The following COL11A1 variants were observed in gnomAD, a reference collection of about 807,000 sequenced individuals.
COL11A1 encodes collagen alpha-1(XI) chain.
Under a neutral mutation model 265.2 loss-of-function variants are expected in COL11A1, and 74 were observed. The observed-to-expected ratio is 0.28, with a 90% CI of 0.23 to 0.34. The LOEUF (loss-of-function observed/expected upper bound fraction) is 0.34, where lower values mean the gene tolerates loss of function less well. COL11A1 is among the 10% of genes least tolerant of loss of function. The pLI is 1.00. For missense variants in COL11A1, 2,165 were observed against 2,263.6 expected (o/e 0.96, Z 0.88); for synonymous variants, 816 against 727.6 (o/e 1.12, Z -1.96).
At chr1:103,058,164 T>C (rs1283336835) in intron 4 of COL11A1, among the ~76,000 whole-genome samples, 1 of 152,184 alleles carries the variant, frequency 6.6e-6, no homozygotes, top group Non-Finnish European at 1.5e-5. Context: ...CTGTTTCACT[T>C]TGCACTTTAT....
intron 46 of COL11A1, among the ~76,000 whole-genome samples, chr1:102,924,092 G>GA (rs1656306244): frequency 6.6e-6 from 1 of 151,480 alleles, no homozygotes; most frequent in African/African-American, 2.4e-5. Context: ...GTGGTGGCAG[G>GA]CGACTGTAGT....
intron 53 of COL11A1, among the ~76,000 whole-genome samples, chr1:102,913,364 T>G (rs1654921450): frequency 6.6e-6 from 1 of 152,194 alleles, no homozygotes; most frequent in Non-Finnish European, 1.5e-5. Context: ...ACACAATGGA[T>G]AGATAACTGA....
chr1:102,929,632 G>A (rs77100896), intron 46 of COL11A1, among the ~76,000 whole-genome samples: 80,825 of 151,802 alleles, frequency 0.53, 25,752 homozygotes, highest in East Asian at 0.77. Flanking sequence ...TGTGAAGAAA[G>A]GCATTGGTAG....
intron 54 of COL11A1, among the ~76,000 whole-genome samples, chr1:102,910,084 T>C (rs1194689876): frequency 1.3e-5 from 2 of 151,980 alleles, no homozygotes; most frequent in Non-Finnish European, 2.9e-5. Flanking sequence ...TAGTTATAGG[T>C]TTATATATAA....
At position 102,970,256 on chromosome 1, in the gene COL11A1, T is replaced by A. The variant is rs1323456836; in HGVS notation, c.2825A>T (p.Asp942Val). 6.2e-7 allele frequency: 1 copy of A among 1,611,868 alleles called. No homozygotes were observed. The highest frequency in any genetic ancestry group is 8.5e-7 in the Non-Finnish European group (1 of 1,178,628). Residue 942 changes from aspartate (D) to valine (V), a missense_variant, in exon 37 of 67, where the codon GAT becomes GTT. Asp to Val is a radical substitution (Grantham distance 152, BLOSUM62 -3). Coordinates refer to ENST00000370096, the MANE Select transcript of COL11A1 (RefSeq NM_001854.4). ...TTGCCCAGGGTGTCCTGGCAGCCCATCCTTCCCAGGTGGTCCCTGAAATTA... is the reference window on the plus strand; with the variant it reads ...TTGCCCAGGGTGTCCTGGCAGCCCAACCTTCCCAGGTGGTCCCTGAAATTA... ...PKGPPGPPGK[D>V]GLPGHPGQRG...
intron 42 of COL11A1, among the ~76,000 whole-genome samples, chr1:102,944,603 T>A (rs2101369316): frequency 6.6e-6 from 1 of 152,256 alleles, no homozygotes; most frequent in Admixed American, 6.5e-5. Context: ...CTAATGTCAA[T>A]AATTTTTCAT....
intron 1 of COL11A1, among the ~76,000 whole-genome samples, chr1:103,096,088 CT>C (rs985207047): frequency 1.0e-4 from 15 of 147,780 alleles, no homozygotes; most frequent in East Asian, 2.0e-4. Context: ...CTTGAATCAA[CT>C]TTTTTTTTTA....
intron 39 of COL11A1, 36 bp downstream of exon 39, chr1:102,962,617 T>G (rs1478041484): frequency 1.3e-6 from 2 of 1,581,328 alleles, no homozygotes; most frequent in East Asian, 4.5e-5. Context: ...AAATTAAAGT[T>G]TTGGGCCAAA....
In COL11A1 at chr1:102,999,771, T is replaced by A. The variant is rs72985800; in HGVS notation, c.2143-1408A>T. ...CCATGATACAATTAAACATTACTAT[T>A]TACCAAATTTTCGAAGCGAAGGCTC... On this transcript the variant is annotated intron_variant, in intron 24 of 66. Transcript: ENST00000370096. Among the ~76,000 whole-genome samples, 1,260 of 151,946 alleles carry A rather than the reference T, an allele frequency of 8.3e-3. 10 individuals carry two copies. Among genetic ancestry groups the A allele is most frequent in the African/African-American group, 0.029 (1,193 of 41,556 alleles).
At chr1:102,930,677 C>T (rs1235328854) in intron 46 of COL11A1, among the ~76,000 whole-genome samples, 1 of 152,120 alleles carries the variant, frequency 6.6e-6, no homozygotes, top group Non-Finnish European at 1.5e-5. Context: ...GTACCAGTTC[C>T]TCCTTGTACC....
At chr1:103,040,570 TG>T (rs1454699850) in intron 4 of COL11A1, among the ~76,000 whole-genome samples, 1 of 151,498 alleles carries the variant, frequency 6.6e-6, no homozygotes, top group African/African-American at 2.4e-5. Context: ...TTTCTTTAAA[TG>T]ATTAACATTT....
chr1:102,920,232 A>G (rs1224445927), intron 49 of COL11A1, 79 bp downstream of exon 49: 1 of 1,240,248 alleles, frequency 8.1e-7, no homozygotes, highest in Non-Finnish European at 1.2e-6. Flanking sequence ...CACATACTAG[A>G]AGCACTTAAA....
intron 4 of COL11A1, among the ~76,000 whole-genome samples, chr1:103,042,222 A>G (rs533054917): frequency 5.9e-5 from 9 of 152,132 alleles, no homozygotes; most frequent in Non-Finnish European, 1.0e-4. Flanking sequence ...ACCTCCTCTC[A>G]AATACTTATA....
intron 1 of COL11A1, among the ~76,000 whole-genome samples, chr1:103,104,605 T>A (rs1023539542): frequency 6.6e-6 from 1 of 152,112 alleles, no homozygotes; most frequent in African/African-American, 2.4e-5. Context: ...CTTTAAGATA[T>A]TAAGAAACTT....
At chr1:102,926,834 T>A (rs992711387) in intron 46 of COL11A1, among the ~76,000 whole-genome samples, 2 of 152,158 alleles carry the variant, frequency 1.3e-5, no homozygotes, top group Non-Finnish European at 2.9e-5. Flanking sequence ...TTTAATGCCT[T>A]GTTTTCAAAT....
chr1:103,002,362 T>A, intron 23 of COL11A1, 66 bp downstream of exon 23: 1 of 1,357,024 alleles, frequency 7.4e-7, no homozygotes, highest in Non-Finnish European at 1.0e-6. Context: ...AGACTGTCGA[T>A]TTTCTTATAG....
intron 54 of COL11A1, among the ~76,000 whole-genome samples, chr1:102,903,240 T>C (rs1262126631): frequency 2.0e-5 from 3 of 152,176 alleles, no homozygotes; most frequent in African/African-American, 4.8e-5. Context: ...AAAGTACATG[T>C]ACTATGAATG....
At position 102,985,795 on chromosome 1, in the gene COL11A1, AC is replaced by A. The variant is rs565803330; in HGVS notation, c.2503-1605del. 1.1e-4 allele frequency among the ~76,000 whole-genome samples: 17 copies of A among 152,250 alleles called. No individual in the cohort carries two copies. In the East Asian group the frequency reaches 3.1e-3, roughly 28 times the overall value. ...TAAGAAGACAGGAAGGTCCCAGGAT[AC>A]CCTTTTAACCACTGGCCTTGAGCAT... On this transcript the variant is annotated intron_variant, in intron 30 of 66. Coordinates refer to ENST00000370096, the MANE Select transcript of COL11A1 (RefSeq NM_001854.4).
intron 46 of COL11A1, among the ~76,000 whole-genome samples, chr1:102,924,459 C>A (rs1656354455): frequency 6.6e-6 from 1 of 152,146 alleles, no homozygotes; most frequent in African/African-American, 2.4e-5. Flanking sequence ...ATACTTTGTA[C>A]ATACTTCAAT....
Sources: allele counts gnomAD v4.1 joint callset (sites outside exome capture counted in the v4.1 genomes callset), GRCh38; gene constraint gnomAD v4.1.1; transcripts MANE v1.5; gene names NCBI Gene and HGNC (gene_info 2026-07-23, HGNC 2026-07-21).